Variants in IREB2 observed in about 807,000 individuals in gnomAD.
IREB2 encodes iron responsive element binding protein 2, also known as iron-responsive element-binding protein 2.
IREB2 carries 39 observed loss-of-function variants against 118.8 expected under a neutral mutation model. The ratio of observed to expected loss-of-function variants is 0.33; its 90% CI spans 0.25 to 0.43. The LOEUF is 0.43. Ranked by LOEUF, IREB2 falls within the 20% of genes least tolerant of loss-of-function variation. The pLI, the probability that IREB2 is intolerant of heterozygous loss-of-function variation, is 1.00. For synonymous variants in IREB2, 372 were observed against 392.2 expected, an observed-to-expected ratio of 0.95 and a Z score of 0.61; for missense variants, 900 against 1,147.3, an observed-to-expected ratio of 0.78 and a Z score of 3.11.
chr15:78,445,088 A>G (rs2050905929), intron 2 of IREB2, among the ~76,000 whole-genome samples: 1 of 150,884 alleles, frequency 6.6e-6, no homozygotes, highest in Non-Finnish European at 1.5e-5. Context: ...ACCCCATCAC[A>G]CGCTTTTATT....
chr15:78,443,571 A>G (rs560266297), intron 2 of IREB2, among the ~76,000 whole-genome samples: 8 of 151,404 alleles, frequency 5.3e-5, no homozygotes, highest in Non-Finnish European at 1.0e-4. Context: ...TTACATTTTG[A>G]TCTTGTATGA....
intron 18 of IREB2, among the ~76,000 whole-genome samples, chr15:78,493,528 G>A (rs952577330): frequency 6.6e-6 from 1 of 151,788 alleles, no homozygotes; most frequent in Non-Finnish European, 1.5e-5. Flanking sequence ...TTTGGATCCT[G>A]ATTTGAACAA....
chr15:78,458,270 CCTAATG>C (rs2141468642), intron 2 of IREB2, among the ~76,000 whole-genome samples: 1 of 152,016 alleles, frequency 6.6e-6, no homozygotes, highest in South Asian at 2.1e-4. Context: ...AAGAGTGAAC[CCTAATG>C]TAAACTGTGG....
rs761181836 is a variant in IREB2, at chr15:78,484,323, A to T, written c.1414-438A>T. Among the ~76,000 whole-genome samples the T allele has an allele frequency of 2.0e-5, 3 of 152,176 alleles. No individual in the cohort carries two copies. The South Asian group carries it at 6.2e-4, about 32-fold the overall frequency. On this transcript the variant is annotated intron_variant, in intron 11 of 21. Transcript: ENST00000258886. ...CCACTGAATTGCCATGTACCTGTCA[A>T]TTAGCTTCAATAATTAGCAACTCAT...
intron 18 of IREB2, 141 bp downstream of exon 18, chr15:78,490,902 A>G (rs983969390): frequency 1.4e-6 from 1 of 725,774 alleles, no homozygotes; most frequent in Non-Finnish European, 2.2e-6. Context: ...GTCTTAAGCA[A>G]GAATGGAGAG....
At chr15:78,483,069 T>C (rs2051602736) in intron 10 of IREB2, among the ~76,000 whole-genome samples, 1 of 152,274 alleles carries the variant, frequency 6.6e-6, no homozygotes, top group East Asian at 1.9e-4. Context: ...ACAATTGGTG[T>C]TGTGGTAGTT....
Position 78,487,720 on chromosome 15 carries a change from T to C in IREB2, c.1710-13T>C. The C allele has an allele frequency of 6.6e-7, 1 of 1,507,556 alleles. No homozygotes were observed. The highest frequency in any genetic ancestry group is 9.2e-7 in the Non-Finnish European group (1 of 1,084,794). 93.4% of individuals were successfully genotyped at this position (1,507,556 alleles called of 1,614,324 possible). A position where few individuals can be genotyped will look rare whatever the true frequency, so the allele number is the denominator to read the frequency against. On this transcript the variant is annotated splice_polypyrimidine_tract_variant and intron_variant, in intron 13 of 21. Transcript: ENST00000258886. ...GTGATGTGCTATTCAGTCACTTTTT[T>C]TTTGAAATGCAGATTTGAAATCGTT...
rs115596521 is a variant in IREB2, at chr15:78,449,933, A to G, written c.106+10052A>G. On this transcript the variant is annotated intron_variant, in intron 2 of 21. Transcript: ENST00000258886. ...CTATACTAAACCAGTTTAAATTACC[A>G]TCATCCCAGTTCCTCCATGGCGTTT... is the stretch of plus-strand genomic sequence containing the variant. 8.6e-3 allele frequency among the ~76,000 whole-genome samples: 1,304 copies of G among 152,302 alleles called. 19 individuals are homozygous for G. The highest frequency in any genetic ancestry group is 0.03 in the African/African-American group (1,244 of 41,562).
intron 2 of IREB2, among the ~76,000 whole-genome samples, chr15:78,456,169 C>A (rs2051102076): frequency 1.3e-5 from 2 of 152,128 alleles, no homozygotes; most frequent in African/African-American, 4.8e-5. Flanking sequence ...GCATGACTAT[C>A]AGAAGGCAAG....
At chr15:78,470,838 G>GTA in intron 6 of IREB2, 1 of 297,096 alleles carries the variant, frequency 3.4e-6, no homozygotes, top group Non-Finnish European at 6.2e-6. Context: ...GGGATTACAG[G>GTA]CGCACACCAG....
intron 13 of IREB2, among the ~76,000 whole-genome samples, chr15:78,487,476 A>G (rs375440778): frequency 6.6e-6 from 1 of 152,186 alleles, no homozygotes; most frequent in East Asian, 1.9e-4. Flanking sequence ...GGCCCCAGCT[A>G]CTTAGGAGGC....
intron 8 of IREB2, 156 bp from the exon 9 acceptor site, chr15:78,476,032 C>T (rs2051463690): frequency 2.0e-6 from 1 of 490,058 alleles, no homozygotes; most frequent in Non-Finnish European, 3.5e-6. Context: ...AAAATACCCC[C>T]AAAACCAGAA....
chr15:78,464,458 C>T (rs1045337533), intron 3 of IREB2, among the ~76,000 whole-genome samples: 18 of 152,190 alleles, frequency 1.2e-4, no homozygotes, highest in Non-Finnish European at 2.9e-5. Context: ...TATTATGGTA[C>T]TTACGATACA....
In IREB2 at chr15:78,438,649, C is replaced by T. The variant is rs1305764623; in HGVS notation, c.19+293C>T. On this transcript the variant is annotated intron_variant, in intron 1 of 21. Coordinates refer to ENST00000258886, the MANE Select transcript of IREB2 (RefSeq NM_004136.4). ...GGCCGCTGCCTGCTGCCAGCGGCTT[C>T]CTGGCCCCCGTCAGCAACACCAGGG... is the stretch of plus-strand genomic sequence containing the variant. The T allele has an allele frequency of 4.0e-5, 20 of 495,230 alleles. No individual in the cohort carries two copies. In the East Asian group the frequency reaches 6.9e-4, roughly 17 times the overall value. 30.7% of individuals were successfully genotyped at this position (495,230 alleles called of 1,614,324 possible).
rs375196872 is a variant in IREB2, at chr15:78,482,625, C to T, written c.1297-693C>T. Among the ~76,000 whole-genome samples, 33 of 151,782 alleles carry T rather than the reference C, an allele frequency of 2.2e-4. 1 individual carries two copies. In the East Asian group the frequency reaches 4.6e-3, roughly 21 times the overall value. Reference sequence around the variant, plus strand: ...ACCGTTTACCTCTGTGATCACAGAGCGGGCAGGAGGGTAGATTTGGAGCTC... The same window carrying T: ...ACCGTTTACCTCTGTGATCACAGAGTGGGCAGGAGGGTAGATTTGGAGCTC... On this transcript the variant is annotated intron_variant, in intron 10 of 21. Coordinates refer to ENST00000258886, the MANE Select transcript of IREB2 (RefSeq NM_004136.4).
intron 5 of IREB2, 68 bp from the exon 6 acceptor site, chr15:78,470,464 C>T: frequency 1.0e-6 from 1 of 974,528 alleles, no homozygotes; most frequent in Non-Finnish European, 1.6e-6. Flanking sequence ...AGAACGATGA[C>T]TTAGAAAGAA....
intron 10 of IREB2, among the ~76,000 whole-genome samples, chr15:78,480,881 C>T (rs572489915): frequency 2.6e-4 from 37 of 144,130 alleles, no homozygotes; most frequent in Admixed American, 5.6e-4. Flanking sequence ...TGGTGGCATG[C>T]GCCTGTAGTC....
At chr15:78,438,434 G>T (rs1215165019) in intron 1 of IREB2, 78 bp downstream of exon 1, 33 of 1,506,464 alleles carry the variant, frequency 2.2e-5, no homozygotes, top group South Asian at 3.6e-5. Context: ...TGCTTTTCTC[G>T]CCTGGAGTCG....
intron 14 of IREB2, 126 bp downstream of exon 14, chr15:78,487,943 C>T (rs770744990): frequency 1.5e-6 from 1 of 667,834 alleles, no homozygotes; most frequent in East Asian, 2.9e-5. Context: ...GCAATAGTAA[C>T]CTGTGAATCT....
Sources: gnomAD v4.1 joint callset for allele counts (sites outside exome capture counted in the v4.1 genomes callset) on GRCh38, gnomAD v4.1.1 for gene constraint, MANE v1.5 for transcripts, NCBI Gene and HGNC (gene_info 2026-07-23, HGNC 2026-07-21) for gene names.